The following TRPC4 variants were observed in gnomAD, a reference collection of about 807,000 sequenced individuals.
TRPC4 encodes transient receptor potential cation channel subfamily C member 4.
TRPC4 carries 49 observed loss-of-function variants against 99.4 expected under a neutral mutation model. That is an observed-to-expected ratio of 0.49 (90% CI 0.39 to 0.63). The LOEUF (loss-of-function observed/expected upper bound fraction) is 0.63. TRPC4 is among the 20% of genes least tolerant of loss of function. The pLI, the probability that TRPC4 is intolerant of heterozygous loss-of-function variation, is 0.00. For synonymous variants in TRPC4, 454 were observed against 425.9 expected (o/e 1.07, Z -0.81); for missense variants, 898 against 1,152.9 (o/e 0.78, Z 3.20).
chr13:37,729,207 G>T (rs1362745915), intron 3 of TRPC4, among the ~76,000 whole-genome samples: 1 of 150,876 alleles, frequency 6.6e-6, no homozygotes, highest in African/African-American at 2.4e-5. Flanking sequence ...TATACCAACA[G>T]CCAATAAGCA....
chr13:37,824,373 A>G (rs1350509882), intron 1 of TRPC4, among the ~76,000 whole-genome samples: 2 of 150,226 alleles, frequency 1.3e-5, no homozygotes, highest in Non-Finnish European at 3.0e-5. Flanking sequence ...GAATGCTTCC[A>G]GTTTTTGCCC....
At chr13:37,748,748 T>C (rs898517169) in intron 2 of TRPC4, among the ~76,000 whole-genome samples, 1 of 152,050 alleles carries the variant, frequency 6.6e-6, no homozygotes, top group South Asian at 2.1e-4. Context: ...TAAAAATAAG[T>C]ATAGTATATC....
chr13:37,864,126 A>G (rs895371183), intron 1 of TRPC4, among the ~76,000 whole-genome samples: 1 of 151,710 alleles, frequency 6.6e-6, no homozygotes, highest in Non-Finnish European at 1.5e-5. Context: ...ACAATGGAAC[A>G]TCATGTATTG....
chr13:37,647,246 T>C (rs1951882059), intron 8 of TRPC4, among the ~76,000 whole-genome samples: 1 of 152,184 alleles, frequency 6.6e-6, no homozygotes, highest in Non-Finnish European at 1.5e-5. Flanking sequence ...GTGACGAGTG[T>C]CAGTAAGTGA....
chr13:37,791,140 T>A (rs558232532), intron 1 of TRPC4, among the ~76,000 whole-genome samples: 1 of 152,104 alleles, frequency 6.6e-6, no homozygotes, highest in East Asian at 1.9e-4. Flanking sequence ...ACACCTGTAA[T>A]CCCAGCACTT....
intron 1 of TRPC4, among the ~76,000 whole-genome samples, chr13:37,827,309 C>A (rs967608962): frequency 3.9e-5 from 6 of 152,192 alleles, no homozygotes; most frequent in African/African-American, 1.4e-4. Context: ...TGTTCCATTG[C>A]TGGTGAGGAA....
At chr13:37,858,838 T>C (rs890749322) in intron 1 of TRPC4, among the ~76,000 whole-genome samples, 7 of 151,062 alleles carry the variant, frequency 4.6e-5, no homozygotes, top group African/African-American at 1.7e-4. Context: ...CAAAAAATAG[T>C]TTGAAAGAAT....
chr13:37,724,818 C>T (rs1413000), intron 3 of TRPC4, among the ~76,000 whole-genome samples: 150,773 of 152,296 alleles, frequency 0.99, 74,652 homozygotes, highest in Middle Eastern at 1. Flanking sequence ...AGTCAATAAT[C>T]TCTTGTTAAA....
intron 1 of TRPC4, among the ~76,000 whole-genome samples, chr13:37,846,470 C>A (rs1303946744): frequency 6.6e-6 from 1 of 151,938 alleles, no homozygotes; most frequent in Non-Finnish European, 1.5e-5. Flanking sequence ...AGTGTAGAGT[C>A]TTTATATGGA....
intron 2 of TRPC4, among the ~76,000 whole-genome samples, chr13:37,774,342 A>G (rs1956641227): frequency 6.6e-6 from 1 of 151,802 alleles, no homozygotes; most frequent in Admixed American, 6.6e-5. Context: ...TTATTGTCAA[A>G]GGATTCTAAT....
At chr13:37,731,277 C>T (rs1556541) in intron 3 of TRPC4, among the ~76,000 whole-genome samples, 76,088 of 151,724 alleles carry the variant, frequency 0.5, 19,997 homozygotes, top group Non-Finnish European at 0.59. Flanking sequence ...TTTCTGAAAA[C>T]GGATGGCCAA....
chr13:37,634,097 TAA>T lies in TRPC4; in HGVS notation c.*2804_*2805del, dbSNP rs1951453118. 6.6e-6 allele frequency among the ~76,000 whole-genome samples: 1 copy of T among 152,036 alleles called. No homozygotes were observed. On this transcript the variant is annotated 3_prime_UTR_variant, in exon 11 of 11. Coordinates refer to ENST00000379705, the MANE Select transcript of TRPC4 (RefSeq NM_016179.4). ...TTAAGAAAAACAGATTTTTTAAGATTAAGAGAGTACGAAAAATGAGAAACATT... is the reference window on the plus strand; with the variant it reads ...TTAAGAAAAACAGATTTTTTAAGATTGAGAGTACGAAAAATGAGAAACATT...
intron 2 of TRPC4, among the ~76,000 whole-genome samples, chr13:37,751,583 A>G (rs986261767): frequency 6.6e-6 from 1 of 152,092 alleles, no homozygotes; most frequent in African/African-American, 2.4e-5. Context: ...CTTTCCCTCC[A>G]CTACTGCAAA....
At chr13:37,658,689 G>A (rs543378562) in intron 6 of TRPC4, among the ~76,000 whole-genome samples, 3 of 152,170 alleles carry the variant, frequency 2.0e-5, no homozygotes, top group African/African-American at 7.2e-5. Flanking sequence ...CTTACCAGGG[G>A]CTAATAGCTT....
chr13:37,721,937 C>T (rs1199638419), intron 3 of TRPC4, among the ~76,000 whole-genome samples: 1 of 151,934 alleles, frequency 6.6e-6, no homozygotes, highest in African/African-American at 2.4e-5. Flanking sequence ...ACACCTGTGG[C>T]CTATTTTAAT....
chr13:37,789,806 C>T (rs1407095100), intron 1 of TRPC4, among the ~76,000 whole-genome samples: 1 of 151,682 alleles, frequency 6.6e-6, no homozygotes, highest in Non-Finnish European at 1.5e-5. Context: ...GGCTCAGAAA[C>T]ATGTTTCTCA....
In TRPC4 at chr13:37,746,208, A is replaced by G; in HGVS notation, c.626T>C (p.Ile209Thr). The change falls in exon 3 of 11, where the codon ATT becomes ACT. Residue 209 changes from isoleucine to threonine, a missense_variant. By Grantham distance (89) the Ile-to-Thr change is moderately conservative. Coordinates refer to ENST00000379705, the MANE Select transcript of TRPC4 (RefSeq NM_016179.4). ...AAAAGGATCTTCGCTTGACAGTGCA[A>G]TGAGAGAGGGACTGGCCAAGGCCTT... ...IYKALASPSL[I>T]ALSSEDPFLT... 1.2e-6 allele frequency: 2 copies of G among 1,613,792 alleles called. No individual in the cohort carries two copies. The highest frequency in any genetic ancestry group is 1.7e-6 in the Non-Finnish European group (2 of 1,179,860).
intron 1 of TRPC4, among the ~76,000 whole-genome samples, chr13:37,835,357 G>A (rs1436996672): frequency 6.6e-6 from 1 of 152,078 alleles, no homozygotes; most frequent in Non-Finnish European, 1.5e-5. Context: ...TCTCTCTCTG[G>A]TATTAATGGT....
chr13:37,705,918 G>T (rs534269625), intron 3 of TRPC4, among the ~76,000 whole-genome samples: 2 of 151,180 alleles, frequency 1.3e-5, no homozygotes, highest in African/African-American at 4.9e-5. Flanking sequence ...TGATACATTT[G>T]CCTGGAATTA....
Sources: gnomAD v4.1 joint callset for allele counts (sites outside exome capture counted in the v4.1 genomes callset) on GRCh38, gnomAD v4.1.1 for gene constraint, MANE v1.5 for transcripts, NCBI Gene and HGNC (gene_info 2026-07-23, HGNC 2026-07-21) for gene names.